The following LSM14A variants were observed in gnomAD, a reference collection of about 807,000 sequenced individuals.
The protein encoded by LSM14A is LSM14A mRNA processing body assembly factor.
In LSM14A, 14 loss-of-function variants were observed where a neutral mutation model predicts 52.4. The ratio of observed to expected loss-of-function variants is 0.27; its 90% confidence interval spans 0.18 to 0.42. The LOEUF is 0.42. Among genes scored for constraint, LSM14A ranks in the 10% least tolerant of loss-of-function variants. The pLI is 1.00. For missense variants in LSM14A, 417 were observed against 581.8 expected (o/e 0.72, Z 2.91); for synonymous variants, 185 against 200.3 (o/e 0.92, Z 0.64).
At chr19:34,206,797 G>C (rs1309210842) in intron 3 of LSM14A, among the ~76,000 whole-genome samples, 1 of 152,104 alleles carries the variant, frequency 6.6e-6, no homozygotes, top group African/African-American at 2.4e-5. Flanking sequence ...ATAGATCATT[G>C]TCCCCCATGA....
At chr19:34,185,293 G>A (rs933711382) in intron 1 of LSM14A, among the ~76,000 whole-genome samples, 5 of 152,206 alleles carry the variant, frequency 3.3e-5, no homozygotes, top group Non-Finnish European at 5.9e-5. Context: ...TGAGGTGATC[G>A]AGAATATTGC....
chr19:34,203,802 CAAAAAA>C (rs4012715), intron 3 of LSM14A, among the ~76,000 whole-genome samples: 1 of 131,154 alleles, frequency 7.6e-6, no homozygotes, highest in Non-Finnish European at 1.6e-5. Context: ...GACCCTGTCT[CAAAAAA>C]AAAAAAAAGA....
chr19:34,202,265 A>C (rs1472592708), intron 3 of LSM14A, among the ~76,000 whole-genome samples: 1 of 150,666 alleles, frequency 6.6e-6, no homozygotes, highest in East Asian at 1.9e-4. Context: ...AGGCCATGGC[A>C]GGAGGATTGC....
At chr19:34,219,256 A>G (rs1214935352) in intron 6 of LSM14A, 135 bp from the exon 7 acceptor site, 4 of 468,438 alleles carry the variant, frequency 8.5e-6, no homozygotes, top group Non-Finnish European at 1.5e-5. Context: ...AAATACAAAT[A>G]CAATAAAATA....
chr19:34,201,153 G>A (rs1268270111), intron 3 of LSM14A, among the ~76,000 whole-genome samples: 1 of 152,056 alleles, frequency 6.6e-6, no homozygotes, highest in East Asian at 1.9e-4. Flanking sequence ...AGATTTTACT[G>A]GCATTTTCCA....
chr19:34,192,125 A>G (rs1486176685), intron 1 of LSM14A, among the ~76,000 whole-genome samples: 1 of 152,078 alleles, frequency 6.6e-6, no homozygotes, highest in Non-Finnish European at 1.5e-5. Flanking sequence ...ATTTCGTGGT[A>G]TGAGTTTGAG....
rs1320524542 is a variant in LSM14A, at chr19:34,227,375, A to G, written c.1379A>G (p.Lys460Arg). ...TTTTTTCTTTTTTAGAAAGACAACA[A>G]AGTTGCTGCATAGTCTACAAACAAG... ...FADFEYRKDN[K>R]VAA Residue 460 changes from lysine (K) to arginine (R), a missense_variant, in exon 10 of 10, where the codon AAA becomes AGA. By Grantham distance (26) the Lys-to-Arg change is conservative (BLOSUM62 2). This residue lies in a region of LSM14A where 357 missense variants were observed against 457.0 expected (regional missense o/e 0.78). Transcript: ENST00000544216. 9.4e-6 allele frequency: 15 copies of G among 1,598,216 alleles called. No individual in the cohort carries two copies. The Admixed American group carries it at 2.6e-4, about 28-fold the overall frequency.
chr19:34,191,373 G>A (rs774210691), intron 1 of LSM14A, among the ~76,000 whole-genome samples: 26 of 151,038 alleles, frequency 1.7e-4, no homozygotes, highest in South Asian at 4.2e-4. Flanking sequence ...GTCCTATCAG[G>A]GCAAACTGCT....
chr19:34,204,808 T>G (rs1442068689), intron 3 of LSM14A, among the ~76,000 whole-genome samples: 2 of 152,122 alleles, frequency 1.3e-5, no homozygotes, highest in East Asian at 3.9e-4. Flanking sequence ...TTAGAAAAAT[T>G]TTCATAGCTT....
At chr19:34,176,281 CTTTTT>C (rs573167728) in intron 1 of LSM14A, among the ~76,000 whole-genome samples, 2 of 146,460 alleles carry the variant, frequency 1.4e-5, no homozygotes, top group African/African-American at 5.0e-5. Context: ...CTCTTTTGAA[CTTTTT>C]TTTTTTTAAT....
intron 6 of LSM14A, among the ~76,000 whole-genome samples, chr19:34,218,014 TC>T (rs35374696): frequency 4.5e-5 from 4 of 89,176 alleles, no homozygotes; most frequent in East Asian, 2.3e-4. Flanking sequence ...TTTTTTTTTT[TC>T]CCCCTGGAGA....
intron 1 of LSM14A, among the ~76,000 whole-genome samples, chr19:34,193,114 A>C (rs1403942329): frequency 6.6e-6 from 1 of 152,206 alleles, no homozygotes; most frequent in Non-Finnish European, 1.5e-5. Flanking sequence ...CTCCCAGGAC[A>C]ATGAACCTGA....
At chr19:34,184,798 A>G (rs909601291) in intron 1 of LSM14A, among the ~76,000 whole-genome samples, 12 of 152,186 alleles carry the variant, frequency 7.9e-5, no homozygotes, top group African/African-American at 1.9e-4. Context: ...TTTATTAGCA[A>G]TGTTGACTTA....
rs758658746 is a variant in LSM14A, at chr19:34,199,243, A to G, written c.415+2480A>G. On this transcript the variant is annotated intron_variant, in intron 3 of 9. Transcript: ENST00000544216. ...AGGCTCAAGCCATCCTCCCACCTCAACCTCCCGAGTAGCTGGGATTATAGG... is the reference window on the plus strand; with the variant it reads ...AGGCTCAAGCCATCCTCCCACCTCAGCCTCCCGAGTAGCTGGGATTATAGG... Among the ~76,000 whole-genome samples the G allele has an allele frequency of 5.3e-4, 80 of 151,130 alleles. 1 individual carries two copies. The highest frequency in any genetic ancestry group is 8.7e-4 in the Non-Finnish European group (59 of 67,744).
chr19:34,180,991 C>T (rs930732566), intron 1 of LSM14A, among the ~76,000 whole-genome samples: 2 of 152,228 alleles, frequency 1.3e-5, no homozygotes, highest in African/African-American at 4.8e-5. Context: ...CTTTCTATAG[C>T]AGTTAACTGA....
intron 6 of LSM14A, among the ~76,000 whole-genome samples, chr19:34,216,247 A>G (rs1025826124): frequency 2.6e-5 from 4 of 152,000 alleles, no homozygotes; most frequent in Admixed American, 1.3e-4. Context: ...CCCCGTCTCC[A>G]CTAAAAATAC....
At chr19:34,210,233 T>C (rs965517445) in intron 4 of LSM14A, among the ~76,000 whole-genome samples, 10 of 152,156 alleles carry the variant, frequency 6.6e-5, no homozygotes, top group Admixed American at 6.5e-4. Flanking sequence ...TTTGAAATAG[T>C]TCTTACTGTT....
chr19:34,194,930 C>T (rs1225123572), intron 2 of LSM14A, among the ~76,000 whole-genome samples: 1 of 151,836 alleles, frequency 6.6e-6, no homozygotes, highest in Non-Finnish European at 1.5e-5. Flanking sequence ...TATAAGATAC[C>T]CTCTGAGGTT....
intron 3 of LSM14A, among the ~76,000 whole-genome samples, chr19:34,199,668 C>G (rs773131645): frequency 5.9e-5 from 9 of 152,108 alleles, no homozygotes; most frequent in Non-Finnish European, 1.0e-4. Context: ...ACAATGGAAA[C>G]CCCGTAGCAA....
Sources: gnomAD v4.1 joint callset for allele counts (sites outside exome capture counted in the v4.1 genomes callset) on GRCh38, gnomAD v4.1.1 for gene constraint, gnomAD v4.1.1 regional missense constraint, MANE v1.5 for transcripts, NCBI Gene and HGNC (gene_info 2026-07-23, HGNC 2026-07-21) for gene names.